The following USP46 variants were observed in gnomAD, a reference collection of about 807,000 sequenced individuals.
USP46 encodes ubiquitin carboxyl-terminal hydrolase 46.
In USP46, 12 loss-of-function variants were observed where a neutral mutation model predicts 44.4. That is an observed-to-expected ratio of 0.27 (90% CI 0.17 to 0.44). The LOEUF (loss-of-function observed/expected upper bound fraction) is 0.44, where lower values mean the gene tolerates loss of function less well. Among genes scored for constraint, USP46 ranks in the 20% least tolerant of loss-of-function variants. USP46 has a pLI of 1.00. For synonymous variants in USP46, 155 were observed against 161.5 expected (o/e 0.96, Z 0.31); for missense variants, 248 against 444.8 (o/e 0.56, Z 3.98).
chr4:52,630,664 G>A (rs763977382), intron 2 of USP46, among the ~76,000 whole-genome samples: 3 of 150,274 alleles, frequency 2.0e-5, no homozygotes, highest in African/African-American at 2.5e-5. Flanking sequence ...TTGAACACAC[G>A]AGGTGGAGGT....
intron 4 of USP46, among the ~76,000 whole-genome samples, chr4:52,611,283 C>T (rs1330960188): frequency 2.0e-5 from 3 of 152,226 alleles, no homozygotes; most frequent in Admixed American, 6.5e-5. Context: ...TCAGCTGAGC[C>T]GGTTCGGTGG....
At chr4:52,656,975 G>A (rs1718977213) in intron 1 of USP46, among the ~76,000 whole-genome samples, 1 of 150,242 alleles carries the variant, frequency 6.7e-6, no homozygotes, top group Admixed American at 6.6e-5. Context: ...GGGAAGTGGA[G>A]GCTGCAGTGA....
intron 1 of USP46, among the ~76,000 whole-genome samples, chr4:52,642,669 G>C (rs1157927536): frequency 2.0e-5 from 3 of 152,142 alleles, no homozygotes; most frequent in African/African-American, 7.2e-5. Flanking sequence ...ATTGAGGTTG[G>C]GAGTCAGAGG....
At chr4:52,607,283 A>G (rs1716723379) in intron 5 of USP46, among the ~76,000 whole-genome samples, 1 of 152,208 alleles carries the variant, frequency 6.6e-6, no homozygotes, top group African/African-American at 2.4e-5. Flanking sequence ...AATGAAGGTA[A>G]GTTAGGAGAA....
chr4:52,602,419 C>G (rs1716511528), intron 6 of USP46, among the ~76,000 whole-genome samples: 1 of 152,136 alleles, frequency 6.6e-6, no homozygotes. Context: ...AGGTTGAGAG[C>G]TTTTGAGAAC....
chr4:52,627,425 T>C (rs563499917), intron 3 of USP46, among the ~76,000 whole-genome samples: 4 of 152,086 alleles, frequency 2.6e-5, no homozygotes, highest in Non-Finnish European at 5.9e-5. Flanking sequence ...AAGAAGAAGA[T>C]AGAAAAACCA....
chr4:52,626,321 A>G (rs1028348922), intron 3 of USP46, 74 bp from the exon 4 acceptor site: 4 of 1,266,376 alleles, frequency 3.2e-6, no homozygotes, highest in Non-Finnish European at 3.3e-6. Context: ...GTTACATGCC[A>G]TACTTAAATA....
intron 3 of USP46, 139 bp downstream of exon 3, chr4:52,627,811 T>C: frequency 2.0e-6 from 2 of 990,400 alleles, no homozygotes; most frequent in Non-Finnish European, 2.9e-6. Context: ...ATGTTGTTTC[T>C]TAAAAAATGA....
chr4:52,618,458 C>G (rs1423957477), intron 4 of USP46, among the ~76,000 whole-genome samples: 1 of 151,916 alleles, frequency 6.6e-6, no homozygotes, highest in Non-Finnish European at 1.5e-5. Flanking sequence ...CCACTACACT[C>G]CAGCCTGGGT....
intron 1 of USP46, among the ~76,000 whole-genome samples, chr4:52,644,987 G>A (rs1718491726): frequency 6.6e-6 from 1 of 152,060 alleles, no homozygotes; most frequent in African/African-American, 2.4e-5. Context: ...AACCCAGGAG[G>A]TGGAGGTTGC....
At chr4:52,632,945 AAAG>A in intron 1 of USP46, among the ~76,000 whole-genome samples, 1 of 72,792 alleles carries the variant, frequency 1.4e-5, no homozygotes, top group African/African-American at 7.2e-5. Context: ...AGAAAGAAAG[AAAG>A]AAAGAAAGAA....
intron 5 of USP46, among the ~76,000 whole-genome samples, chr4:52,610,043 A>C (rs1716879936): frequency 6.9e-6 from 1 of 145,298 alleles, no homozygotes; most frequent in Non-Finnish European, 1.5e-5. Context: ...CTCCTGCCTC[A>C]GCCTCCCGTG....
At chr4:52,604,138 T>C (rs992871233) in intron 6 of USP46, among the ~76,000 whole-genome samples, 1 of 152,252 alleles carries the variant, frequency 6.6e-6, no homozygotes, top group African/African-American at 2.4e-5. Flanking sequence ...CTATGTGTTA[T>C]ATACTCTGCT....
At chr4:52,656,534 AG>A in intron 1 of USP46, 1 of 1,413,908 alleles carries the variant, frequency 7.1e-7, no homozygotes, top group Admixed American at 2.9e-5. Context: ...TGCTTCCACC[AG>A]GTCTGAAATG....
chr4:52,597,610 C>G lies in USP46; in HGVS notation c.*30G>C. The G allele has an allele frequency of 6.8e-7, 1 of 1,473,848 alleles. No individual in the cohort carries two copies. Among genetic ancestry groups the G allele is most frequent in the Non-Finnish European group, 9.3e-7 (1 of 1,075,684 alleles). 91.3% of individuals were successfully genotyped at this position (1,473,848 alleles called of 1,614,324 possible). The stretch of plus-strand genomic sequence containing the variant: ...GGTGACAGTGCTGTGAACATTCTCC[C>G]CACGTGAATCAGTCCCGCAGGTCTT... On this transcript the variant is annotated 3_prime_UTR_variant, in exon 9 of 9. Coordinates refer to ENST00000441222, the MANE Select transcript of USP46 (RefSeq NM_022832.4).
At chr4:52,654,596 A>G (rs773393544) in intron 1 of USP46, among the ~76,000 whole-genome samples, 53 of 152,234 alleles carry the variant, frequency 3.5e-4, no homozygotes, top group Middle Eastern at 6.8e-3. Context: ...GGGTCTCACT[A>G]TGTTGCCTAG....
chr4:52,630,955 G>T, intron 2 of USP46, 109 bp downstream of exon 2: 2 of 908,296 alleles, frequency 2.2e-6, no homozygotes. Flanking sequence ...ACTAACTACG[G>T]AGCATGACCA....
intron 1 of USP46, among the ~76,000 whole-genome samples, chr4:52,638,282 G>T (rs974319773): frequency 1.3e-5 from 2 of 152,062 alleles, no homozygotes; most frequent in Admixed American, 6.6e-5. Context: ...ATGCCATGCT[G>T]CTGGCCTTGA....
rs1189107273 is a variant in USP46, at chr4:52,593,143, T to C, written c.*4497A>G. On this transcript the variant is annotated 3_prime_UTR_variant, in exon 9 of 9. Transcript: ENST00000441222. ...GAATGGAAATGGAAGGCTTCATTTTTTTAGTAAAGGTATTTTAAGTATCAA... is the reference window on the plus strand; with the variant it reads ...GAATGGAAATGGAAGGCTTCATTTTCTTAGTAAAGGTATTTTAAGTATCAA... 1.1e-4 allele frequency: 42 copies of C among 392,838 alleles called. No homozygotes were observed. The allele number at this position is 392,838 out of a possible 1,614,324, so 24.3% of individuals were successfully genotyped here.
Sources: allele counts gnomAD v4.1 joint callset (sites outside exome capture counted in the v4.1 genomes callset), GRCh38; gene constraint gnomAD v4.1.1; transcripts MANE v1.5; gene names NCBI Gene and HGNC (gene_info 2026-07-23, HGNC 2026-07-21).